PRKCB: variants seen among roughly 807,000 people sequenced by gnomAD.
PRKCB encodes the protein protein kinase C beta.
In PRKCB, 13 loss-of-function variants were observed where a neutral mutation model predicts 81.5. The ratio of observed to expected loss-of-function variants is 0.16; its 90% confidence interval spans 0.10 to 0.25. The LOEUF is 0.25. Among genes scored for constraint, PRKCB ranks in the 10% least tolerant of loss-of-function variants. The pLI is 1.00. For synonymous variants in PRKCB, 335 were observed against 321.4 expected, an observed-to-expected ratio of 1.04 and a Z score of -0.45; for missense variants, 509 against 875.7, an observed-to-expected ratio of 0.58 and a Z score of 5.29.
chr16:23,962,862 G>T (rs1964444357), intron 2 of PRKCB: 1 of 151,774 alleles, frequency 6.6e-6, no homozygotes, highest in African/African-American at 2.4e-5. Flanking sequence ...AACAGTATAT[G>T]TGGTATCCAA....
rs150240875 is a variant in PRKCB, at chr16:23,884,602, G to A, written c.205+47196G>A. 1.8e-4 allele frequency among the ~76,000 whole-genome samples: 28 copies of A among 152,192 alleles called. No individual in the cohort carries two copies. In the East Asian group the frequency reaches 4.4e-3, roughly 24 times the overall value. On this transcript the variant is annotated intron_variant, in intron 2 of 16. Transcript: ENST00000643927. ...TAGACTGGAATGCAGTGGTGTGACCGTAGCTCACTGCAGCTTCAATCTCTT... is the reference window on the plus strand; with the variant it reads ...TAGACTGGAATGCAGTGGTGTGACCATAGCTCACTGCAGCTTCAATCTCTT...
At chr16:24,060,595 A>T (rs990439575) in intron 5 of PRKCB, among the ~76,000 whole-genome samples, 5 of 152,158 alleles carry the variant, frequency 3.3e-5, no homozygotes, top group Admixed American at 2.6e-4. Context: ...CTGACCACTC[A>T]CGGCTTCAGT....
At chr16:24,143,432 G>A (rs1250668810) in intron 9 of PRKCB, among the ~76,000 whole-genome samples, 1 of 152,022 alleles carries the variant, frequency 6.6e-6, no homozygotes, top group Non-Finnish European at 1.5e-5. Flanking sequence ...GTGCCCGGCC[G>A]AGATAGGATC....
In PRKCB at chr16:24,154,871, T is replaced by A; in HGVS notation, c.1239+14T>A. ...TTCCAGACCATGGTAACTTGTCCCA[T>A]GGCCCTGGGTATTCCACCTCCAGGG... On this transcript the variant is annotated intron_variant, in intron 10 of 16. Coordinates refer to ENST00000643927, the MANE Select transcript of PRKCB (RefSeq NM_002738.7). 3.7e-6 allele frequency: 6 copies of A among 1,610,664 alleles called. No individual in the cohort carries two copies. Among genetic ancestry groups the A allele is most frequent in the Non-Finnish European group, 5.1e-6 (6 of 1,178,456 alleles).
intron 5 of PRKCB, among the ~76,000 whole-genome samples, chr16:24,077,487 C>CTCCATCCATCCA (rs71154273): frequency 0.023 from 3,445 of 149,678 alleles, 87 homozygotes; most frequent in African/African-American, 0.071. Context: ...GCATTCATCT[C>CTCCATCCATCCA]TCCATCCATC....
chr16:24,137,240 G>A (rs188786671), intron 9 of PRKCB, among the ~76,000 whole-genome samples: 1 of 151,526 alleles, frequency 6.6e-6, no homozygotes, highest in Non-Finnish European at 1.5e-5. Flanking sequence ...CTAGGCTGGA[G>A]TGCAGTGGCA....
intron 2 of PRKCB, among the ~76,000 whole-genome samples, chr16:23,920,940 G>A (rs1020810913): frequency 6.6e-6 from 1 of 152,186 alleles, no homozygotes; most frequent in African/African-American, 2.4e-5. Context: ...TGGCTGGGGA[G>A]GCCTCACGAT....
intron 3 of PRKCB, among the ~76,000 whole-genome samples, chr16:24,006,288 A>G (rs1223736151): frequency 6.6e-6 from 1 of 152,256 alleles, no homozygotes; most frequent in Non-Finnish European, 1.5e-5. Context: ...TTACACTGTC[A>G]TCAAATGTCC....
chr16:24,156,073 T>A (rs1287661188), intron 10 of PRKCB, among the ~76,000 whole-genome samples: 1 of 152,206 alleles, frequency 6.6e-6, no homozygotes, highest in Non-Finnish European at 1.5e-5. Flanking sequence ...GATTGTAAAA[T>A]GGTGATATCC....
chr16:23,887,709 A>T (rs149158707), intron 2 of PRKCB, among the ~76,000 whole-genome samples: 177 of 152,288 alleles, frequency 1.2e-3, no homozygotes, highest in African/African-American at 4.2e-3. Flanking sequence ...TTGGGTATAT[A>T]CCCAGTAATG....
At chr16:24,163,708 T>C (rs1967299817) in intron 10 of PRKCB, among the ~76,000 whole-genome samples, 1 of 152,238 alleles carries the variant, frequency 6.6e-6, no homozygotes, top group Non-Finnish European at 1.5e-5. Flanking sequence ...TGAACACATG[T>C]CATTGAGTGC....
At chr16:23,918,401 A>AT (rs772297307) in intron 2 of PRKCB, among the ~76,000 whole-genome samples, 2 of 150,706 alleles carry the variant, frequency 1.3e-5, no homozygotes, top group Non-Finnish European at 3.0e-5. Flanking sequence ...TATTATTATT[A>AT]TTTTTTTTTT....
chr16:24,216,963 G>T lies in PRKCB; in HGVS notation c.*2147G>T. On this transcript the variant is annotated 3_prime_UTR_variant, in exon 17 of 17. Coordinates refer to ENST00000643927, the MANE Select transcript of PRKCB (RefSeq NM_002738.7). ...GCCCACCAACAGGCCCTTATCTGGTGGTTGGATCATGATCCCATTTTGCTT... is the reference window on the plus strand; with the variant it reads ...GCCCACCAACAGGCCCTTATCTGGTTGTTGGATCATGATCCCATTTTGCTT... 1 of 985,390 alleles carries T rather than the reference G, an allele frequency of 1.0e-6. No homozygotes were observed. The highest frequency in any genetic ancestry group is 1.2e-6 in the Non-Finnish European group (1 of 829,934). 61.0% of individuals were successfully genotyped at this position (985,390 alleles called of 1,614,324 possible).
In PRKCB at chr16:24,154,700, G is replaced by A. The variant is rs868712349; in HGVS notation, c.1082G>A (p.Arg361Gln). 3 of 1,614,088 alleles carry A rather than the reference G, an allele frequency of 1.9e-6. No individual in the cohort carries two copies. Among genetic ancestry groups the A allele is most frequent in the East Asian group, 2.2e-5 (1 of 44,886 alleles). ...CTTTCCCAGGTCATGCTTTCAGAAC[G>A]AAAAGGCACAGATGAGCTCTATGCT... Reference protein sequence around the residue: ...GSFGKVMLSERKGTDELYAVK... With the variant: ...GSFGKVMLSEQKGTDELYAVK... Residue 361 changes from arginine to glutamine, a missense_variant, in exon 10 of 17, where the codon CGA becomes CAA. Arg to Gln is a conservative substitution (Grantham distance 43, BLOSUM62 1). Around this residue, in one of 6 missense-constraint regions of PRKCB, gnomAD observed 80 missense variants for 89.4 expected, o/e 0.90. Transcript: ENST00000643927.
chr16:23,975,544 T>C (rs1175386018), intron 2 of PRKCB, among the ~76,000 whole-genome samples: 1 of 152,168 alleles, frequency 6.6e-6, no homozygotes, highest in Admixed American at 6.5e-5. Context: ...TCAAACCTCA[T>C]AGTTCCTGGC....
At chr16:23,934,324 T>G (rs1303720153) in intron 2 of PRKCB, among the ~76,000 whole-genome samples, 54 of 141,064 alleles carry the variant, frequency 3.8e-4, no homozygotes, top group African/African-American at 1.4e-3. Context: ...AGCTGTTTTT[T>G]TTTTTTTTTT....
intron 5 of PRKCB, among the ~76,000 whole-genome samples, chr16:24,058,348 G>T (rs1015128437): frequency 1.3e-5 from 2 of 151,972 alleles, no homozygotes; most frequent in East Asian, 1.9e-4. Flanking sequence ...ATGCCACTTT[G>T]TGCTAGTGCA....
intron 16 of PRKCB, among the ~76,000 whole-genome samples, chr16:24,197,952 G>A (rs1164661488): frequency 2.6e-5 from 4 of 152,362 alleles, no homozygotes; most frequent in South Asian, 2.1e-4. Context: ...GTGATACAGA[G>A]CGCTGGCTTG....
At chr16:23,973,383 A>G (rs563598032) in intron 2 of PRKCB, among the ~76,000 whole-genome samples, 1 of 152,242 alleles carries the variant, frequency 6.6e-6, no homozygotes, top group East Asian at 1.9e-4. Flanking sequence ...GGATTTCACC[A>G]TGTTAGCCAG....
Sources: gnomAD v4.1 joint callset for allele counts (sites outside exome capture counted in the v4.1 genomes callset) on GRCh38, gnomAD v4.1.1 for gene constraint, gnomAD v4.1.1 regional missense constraint, MANE v1.5 for transcripts, NCBI Gene and HGNC (gene_info 2026-07-23, HGNC 2026-07-21) for gene names.